Variants in PTPRT observed in about 807,000 individuals in gnomAD.
PTPRT encodes the protein protein tyrosine phosphatase receptor type T, also known as receptor-type tyrosine-protein phosphatase T.
In PTPRT, 56 loss-of-function variants were observed where a neutral mutation model predicts 176.8. The ratio of observed to expected loss-of-function variants is 0.32; its 90% CI spans 0.26 to 0.40. PTPRT has a LOEUF of 0.40. PTPRT is among the 10% of genes least tolerant of loss of function. PTPRT has a pLI of 1.00. For synonymous variants in PTPRT, 783 were observed against 739.0 expected, an observed-to-expected ratio of 1.06 and a Z score of -0.96; for missense variants, 1,540 against 1,908.2, an observed-to-expected ratio of 0.81 and a Z score of 3.60.
intron 1 of PTPRT, among the ~76,000 whole-genome samples, chr20:43,115,134 A>G (rs761223273): frequency 3.3e-5 from 5 of 152,030 alleles, no homozygotes; most frequent in Admixed American, 1.3e-4. Flanking sequence ...TTTCCCCCCA[A>G]TTACTTATCC....
chr20:42,205,433 A>G (rs2055430591), intron 15 of PTPRT, among the ~76,000 whole-genome samples: 1 of 152,180 alleles, frequency 6.6e-6, no homozygotes, highest in Non-Finnish European at 1.5e-5. Flanking sequence ...GAAAAACAAG[A>G]CAGGAATCCT....
In PTPRT at chr20:42,732,542, T is replaced by C. The variant is rs1312755798; in HGVS notation, c.859+23920A>G. On this transcript the variant is annotated intron_variant, in intron 6 of 30. Coordinates refer to ENST00000373187, the MANE Select transcript of PTPRT (RefSeq NM_007050.6). ...TTCACAGAGAGGATGACATCTAACA[T>C]GAGCTTTGAAGGATGACTGCGAGAA... 3.3e-5 allele frequency among the ~76,000 whole-genome samples: 5 copies of C among 152,136 alleles called. No homozygotes were observed. The East Asian group carries it at 9.6e-4, about 29-fold the overall frequency.
intron 1 of PTPRT, chr20:42,966,355 T>G (rs1245943994): frequency 6.6e-6 from 1 of 152,244 alleles, no homozygotes; most frequent in Non-Finnish European, 1.5e-5. Context: ...CATAAACTTA[T>G]CGGTTATTTC....
intron 1 of PTPRT, among the ~76,000 whole-genome samples, chr20:43,129,401 AGTACTTTTT>A (rs1254850933): frequency 6.6e-6 from 1 of 152,110 alleles, no homozygotes; most frequent in African/African-American, 2.4e-5. Context: ...GTGAAGAGGG[AGTACTTTTT>A]TCCAGTTTGT....
chr20:42,113,026 AAGGGCAGAC>A (rs1273150724), intron 22 of PTPRT, among the ~76,000 whole-genome samples: 2 of 152,138 alleles, frequency 1.3e-5, no homozygotes, highest in East Asian at 3.9e-4. Flanking sequence ...TGCTGTCTTC[AAGGGCAGAC>A]AGCACTCCCT....
chr20:42,579,417 A>T (rs1042573287), intron 7 of PTPRT, among the ~76,000 whole-genome samples: 2 of 152,114 alleles, frequency 1.3e-5, no homozygotes, highest in African/African-American at 4.8e-5. Context: ...CCTTTGGGTA[A>T]ATACCCAGTA....
At chr20:42,494,908 A>T (rs1314621768) in intron 7 of PTPRT, among the ~76,000 whole-genome samples, 1 of 152,200 alleles carries the variant, frequency 6.6e-6, no homozygotes, top group Non-Finnish European at 1.5e-5. Context: ...AAAAGAAAAC[A>T]TTAATTTAGC....
At chr20:43,069,862 T>C (rs573831422) in intron 1 of PTPRT, among the ~76,000 whole-genome samples, 1 of 152,296 alleles carries the variant, frequency 6.6e-6, no homozygotes, top group South Asian at 2.1e-4. Flanking sequence ...AGCCTTCCTG[T>C]GATTTATACA....
At chr20:42,267,033 T>TA (rs1399422745) in intron 13 of PTPRT, among the ~76,000 whole-genome samples, 4 of 152,230 alleles carry the variant, frequency 2.6e-5, no homozygotes, top group Non-Finnish European at 4.4e-5. Flanking sequence ...ATATTTTGGA[T>TA]ATACCAGATG....
chr20:42,764,428 C>A (rs2076955791), intron 5 of PTPRT, among the ~76,000 whole-genome samples: 1 of 152,034 alleles, frequency 6.6e-6, no homozygotes, highest in Non-Finnish European at 1.5e-5. Context: ...TTAAAATATA[C>A]TTAAGTATCT....
chr20:42,218,346 G>A (rs934989531), intron 15 of PTPRT, among the ~76,000 whole-genome samples: 1 of 152,190 alleles, frequency 6.6e-6, no homozygotes, highest in African/African-American at 2.4e-5. Flanking sequence ...TTGGATTGAG[G>A]ATATTAAGGA....
chr20:43,001,320 G>A (rs920775016), intron 1 of PTPRT, among the ~76,000 whole-genome samples: 1 of 151,986 alleles, frequency 6.6e-6, no homozygotes, highest in Admixed American at 6.6e-5. Flanking sequence ...TTAAATTTTT[G>A]GTGAAACTCA....
intron 1 of PTPRT, among the ~76,000 whole-genome samples, chr20:42,918,735 G>T (rs531121554): frequency 6.6e-6 from 1 of 152,144 alleles, no homozygotes; most frequent in African/African-American, 2.4e-5. Context: ...GAGTTCAACC[G>T]TTTATGAGGC....
At chr20:43,063,175 C>T (rs151296044) in intron 1 of PTPRT, among the ~76,000 whole-genome samples, 165 of 152,196 alleles carry the variant, frequency 1.1e-3, no homozygotes, top group African/African-American at 3.9e-3. Context: ...AATGGCAAAT[C>T]GTATGTGAAA....
Position 42,340,616 on chromosome 20 carries a change from T to A in PTPRT, c.1865+10012A>T, listed in dbSNP as rs2058098004. 2.0e-5 allele frequency among the ~76,000 whole-genome samples: 3 copies of A among 152,242 alleles called. No homozygotes were observed. In the South Asian group the frequency reaches 6.2e-4, roughly 32 times the overall value. Reference sequence around the variant, plus strand: ...AATGCTTTTTGGATAAGAGCAAACCTCCTTGGATTCTAACATGGCACAGAG... The same window carrying A: ...AATGCTTTTTGGATAAGAGCAAACCACCTTGGATTCTAACATGGCACAGAG... On this transcript the variant is annotated intron_variant, in intron 11 of 30. Coordinates refer to ENST00000373187, the MANE Select transcript of PTPRT (RefSeq NM_007050.6).
intron 1 of PTPRT, among the ~76,000 whole-genome samples, chr20:43,171,615 C>A (rs1331209960): frequency 6.6e-6 from 1 of 152,164 alleles, no homozygotes; most frequent in Non-Finnish European, 1.5e-5. Flanking sequence ...AATGGTGTGT[C>A]TTTGTTCTCT....
chr20:42,891,864 G>C (rs1017747160), intron 1 of PTPRT, among the ~76,000 whole-genome samples: 1 of 152,178 alleles, frequency 6.6e-6, no homozygotes. Context: ...CACTCTCTAA[G>C]ACAGGAGTCA....
chr20:42,759,183 T>C (rs2145416336), intron 5 of PTPRT, among the ~76,000 whole-genome samples: 1 of 152,352 alleles, frequency 6.6e-6, no homozygotes, highest in South Asian at 2.1e-4. Flanking sequence ...GGGATAAGAA[T>C]GAGTTAGTGG....
At chr20:43,127,675 C>A (rs1201788257) in intron 1 of PTPRT, among the ~76,000 whole-genome samples, 1 of 152,042 alleles carries the variant, frequency 6.6e-6, no homozygotes, top group Non-Finnish European at 1.5e-5. Context: ...CAACCTGGGC[C>A]CAGAGGGATG....
Sources: allele counts gnomAD v4.1 joint callset (sites outside exome capture counted in the v4.1 genomes callset), GRCh38; gene constraint gnomAD v4.1.1; transcripts MANE v1.5; gene names NCBI Gene and HGNC (gene_info 2026-07-23, HGNC 2026-07-21).